The following ADARB2 variants were observed in gnomAD, a reference collection of about 807,000 sequenced individuals.
ADARB2 encodes inactive double-stranded RNA-specific editase B2.
In ADARB2, 25 loss-of-function variants were observed where a neutral mutation model predicts 62.2. The observed-to-expected ratio is 0.40, with a 90% CI of 0.29 to 0.56. The LOEUF (loss-of-function observed/expected upper bound fraction) is 0.56, where lower values mean the gene tolerates loss of function less well. Ranked by LOEUF, ADARB2 falls within the 20% of genes least tolerant of loss-of-function variation. The pLI is 0.43. For missense variants in ADARB2, 1,071 were observed against 1,077.4 expected (o/e 0.99, Z 0.08); for synonymous variants, 572 against 500.8 (o/e 1.14, Z -1.90).
At chr10:1,720,519 T>TC (rs1224925894) in intron 1 of ADARB2, among the ~76,000 whole-genome samples, 6 of 152,208 alleles carry the variant, frequency 3.9e-5, no homozygotes, top group African/African-American at 1.4e-4. Context: ...AAATAAAAGT[T>TC]GAGTATCCCC....
At chr10:1,671,089 C>G (rs564330850) in intron 1 of ADARB2, among the ~76,000 whole-genome samples, 7 of 152,326 alleles carry the variant, frequency 4.6e-5, no homozygotes, top group Admixed American at 3.9e-4. Context: ...CCGTGCCGCG[C>G]ATGCACATTT....
At chr10:1,242,620 C>T (rs1373620553) in intron 4 of ADARB2, among the ~76,000 whole-genome samples, 1 of 152,152 alleles carries the variant, frequency 6.6e-6, no homozygotes, top group Non-Finnish European at 1.5e-5. Flanking sequence ...CAGTTTTCTC[C>T]ACCTGAGTCC....
intron 1 of ADARB2, among the ~76,000 whole-genome samples, chr10:1,710,762 C>T (rs561719583): frequency 1.8e-4 from 28 of 152,332 alleles, no homozygotes; most frequent in African/African-American, 6.5e-4. Context: ...GCTTTCACAC[C>T]ATGCTCCTAC....
At chr10:1,486,659 A>G (rs1290449412) in intron 1 of ADARB2, among the ~76,000 whole-genome samples, 4 of 152,194 alleles carry the variant, frequency 2.6e-5, no homozygotes, top group Non-Finnish European at 4.4e-5. Flanking sequence ...ACCTCAAGAA[A>G]AAGCAGGGGT....
chr10:1,408,073 T>C (rs985836712), intron 1 of ADARB2, among the ~76,000 whole-genome samples: 1 of 152,220 alleles, frequency 6.6e-6, no homozygotes, highest in Non-Finnish European at 1.5e-5. Flanking sequence ...TGTCTTAGCT[T>C]GAGAGGCAAG....
At chr10:1,229,255 G>A (rs1433820869) in intron 6 of ADARB2, among the ~76,000 whole-genome samples, 1 of 152,228 alleles carries the variant, frequency 6.6e-6, no homozygotes, top group African/African-American at 2.4e-5. Context: ...TGCATCCCAG[G>A]AAAGTGGGGC....
chr10:1,730,662 C>T (rs1223402329), intron 1 of ADARB2, among the ~76,000 whole-genome samples: 4 of 136,814 alleles, frequency 2.9e-5, no homozygotes, highest in Non-Finnish European at 5.0e-5. Flanking sequence ...ACACATGTTA[C>T]TCTTCTTTTT....
At chr10:1,644,316 G>T (rs1834010392) in intron 1 of ADARB2, among the ~76,000 whole-genome samples, 1 of 152,236 alleles carries the variant, frequency 6.6e-6, no homozygotes, top group Admixed American at 6.5e-5. Context: ...AGCTGCCATT[G>T]CCACCAAGCT....
chr10:1,453,704 G>A (rs929849382), intron 1 of ADARB2, among the ~76,000 whole-genome samples: 2 of 152,090 alleles, frequency 1.3e-5, no homozygotes, highest in Admixed American at 6.6e-5. Context: ...TTGAACAGAC[G>A]TTTCTCCAAA....
chr10:1,571,314 A>G (rs1304393069), intron 1 of ADARB2, among the ~76,000 whole-genome samples: 1 of 151,810 alleles, frequency 6.6e-6, no homozygotes, highest in Non-Finnish European at 1.5e-5. Flanking sequence ...AGCCTGTATG[A>G]CAGGTTTTGT....
chr10:1,185,044 CG>C lies in ADARB2; in HGVS notation c.1865-6del, dbSNP rs777307809. On this transcript the variant is annotated splice_region_variant and splice_polypyrimidine_tract_variant and intron_variant, in intron 8 of 9. Transcript: ENST00000381312. ...GCGCCTCGGCGTCACTCACGCCTGTCGGGGAGATGGGGAAAGGCGGGCGTTA... is the reference window on the plus strand; with the variant it reads ...GCGCCTCGGCGTCACTCACGCCTGTCGGGAGATGGGGAAAGGCGGGCGTTA... The C allele has an allele frequency of 3.4e-5, 55 of 1,608,724 alleles. No individual in the cohort carries two copies. The highest frequency in any genetic ancestry group is 4.4e-5 in the Non-Finnish European group (52 of 1,177,268).
chr10:1,537,795 C>T (rs1832352634), intron 1 of ADARB2, among the ~76,000 whole-genome samples: 1 of 152,072 alleles, frequency 6.6e-6, no homozygotes, highest in Non-Finnish European at 1.5e-5. Context: ...GGGAACATCA[C>T]ACACCGGGAC....
intron 3 of ADARB2, among the ~76,000 whole-genome samples, chr10:1,281,575 C>T (rs1202614856): frequency 2.0e-5 from 3 of 152,332 alleles, no homozygotes; most frequent in East Asian, 1.9e-4. Flanking sequence ...AGACAATTTG[C>T]GTGATTTCTC....
At chr10:1,242,094 C>T (rs769473207) in intron 5 of ADARB2, 37 bp downstream of exon 5, 28 of 1,556,730 alleles carry the variant, frequency 1.8e-5, no homozygotes, top group Middle Eastern at 2.1e-4. Context: ...CCAGCCGCGG[C>T]GTCCGCCTTC....
chr10:1,206,485 GGGGTCTCCTCCTCGTGCCTGTGTGGTCT>G (rs1434813432), intron 7 of ADARB2, among the ~76,000 whole-genome samples: 11 of 151,282 alleles, frequency 7.3e-5, no homozygotes, highest in Non-Finnish European at 1.3e-4. Flanking sequence ...AGAGAACTGC[GGGGTCTCCTCCTCGTGCCTGTGTGGTCT>G]GAGAGAACTG....
intron 1 of ADARB2, among the ~76,000 whole-genome samples, chr10:1,620,327 A>G (rs1371026389): frequency 6.6e-6 from 1 of 152,206 alleles, no homozygotes; most frequent in East Asian, 1.9e-4. Context: ...CAAAAATTAA[A>G]GGGGTCATAA....
intron 3 of ADARB2, among the ~76,000 whole-genome samples, chr10:1,274,134 C>T (rs1188116001): frequency 1.3e-5 from 2 of 152,352 alleles, no homozygotes; most frequent in Admixed American, 6.5e-5. Context: ...AGAATGCAGA[C>T]TGCTCTCCCG....
At chr10:1,327,092 T>G (rs375305607) in intron 3 of ADARB2, among the ~76,000 whole-genome samples, 376 of 32,134 alleles carry the variant, frequency 0.012, 36 homozygotes, top group Non-Finnish European at 0.016. Flanking sequence ...GCCTCCTCAC[T>G]GCACAGCGCC....
intron 2 of ADARB2, among the ~76,000 whole-genome samples, chr10:1,364,558 T>C (rs1657073981): frequency 6.6e-6 from 1 of 152,216 alleles, no homozygotes; most frequent in South Asian, 2.1e-4. Flanking sequence ...CATCTAGGGA[T>C]TCAACTAACT....
Sources: allele counts gnomAD v4.1 joint callset (sites outside exome capture counted in the v4.1 genomes callset), GRCh38; gene constraint gnomAD v4.1.1; transcripts MANE v1.5; gene names NCBI Gene and HGNC (gene_info 2026-07-23, HGNC 2026-07-21).